Variants in ITFG1 observed in about 807,000 individuals in gnomAD.
The protein encoded by ITFG1 is T-cell immunomodulatory protein.
ITFG1 carries 34 observed loss-of-function variants against 81.8 expected under a neutral mutation model. The ratio of observed to expected loss-of-function variants is 0.42; its 90% CI spans 0.32 to 0.55. ITFG1 has a LOEUF of 0.55. ITFG1 is among the 20% of genes least tolerant of loss of function. The pLI, the probability that ITFG1 is intolerant of heterozygous loss-of-function variation, is 0.17. For synonymous variants in ITFG1, 285 were observed against 270.6 expected (o/e 1.05, Z -0.52); for missense variants, 672 against 755.4 (o/e 0.89, Z 1.29).
Position 47,158,967 on chromosome 16 carries a change from G to GT in ITFG1, c.1684dup (p.Thr562AsnfsTer4). 1 of 1,561,266 alleles carries GT rather than the reference G, an allele frequency of 6.4e-7. No homozygotes were observed. Among genetic ancestry groups the GT allele is most frequent in the Non-Finnish European group, 8.7e-7 (1 of 1,152,502 alleles). ...AGTAAGCAGAACAATATTACTTGGT[G>GT]TAAGATACAGTTTGGCACTCCAACT... On this transcript the variant is annotated frameshift_variant, in exon 17 of 18. Coordinates refer to ENST00000320640, the MANE Select transcript of ITFG1 (RefSeq NM_030790.5). LOFTEE classifies it high-confidence loss of function.
At chr16:47,268,022 A>C (rs985904622) in intron 10 of ITFG1, among the ~76,000 whole-genome samples, 3 of 152,054 alleles carry the variant, frequency 2.0e-5, no homozygotes, top group Admixed American at 1.3e-4. Flanking sequence ...AGGAGAAAAA[A>C]GTAAATAATA....
intron 14 of ITFG1, among the ~76,000 whole-genome samples, chr16:47,190,883 G>A (rs900823798): frequency 6.6e-6 from 1 of 152,172 alleles, no homozygotes; most frequent in East Asian, 1.9e-4. Flanking sequence ...ACCTGGGGTT[G>A]GGGTTTGGTG....
intron 8 of ITFG1, among the ~76,000 whole-genome samples, chr16:47,356,708 C>A (rs1968044616): frequency 6.6e-6 from 1 of 152,170 alleles, no homozygotes; most frequent in Admixed American, 6.5e-5. Flanking sequence ...TGTGTACATG[C>A]CTACATCCAA....
At chr16:47,255,479 A>G (rs759037697) in intron 12 of ITFG1, among the ~76,000 whole-genome samples, 1 of 152,256 alleles carries the variant, frequency 6.6e-6, no homozygotes, top group East Asian at 1.9e-4. Context: ...TGTCCCTAAT[A>G]TCAGCAAACA....
intron 12 of ITFG1, among the ~76,000 whole-genome samples, chr16:47,254,767 T>C (rs1430939131): frequency 6.6e-6 from 1 of 152,194 alleles, no homozygotes; most frequent in African/African-American, 2.4e-5. Context: ...TAGAAAGAAT[T>C]GATCTTTAAT....
rs764345491 is a variant in ITFG1 at position 47,345,768 on chromosome 16, A to G, written c.802+20020T>C. Among the ~76,000 whole-genome samples the G allele has an allele frequency of 2.6e-5, 4 of 152,230 alleles. 1 individual carries two copies. The highest frequency in any genetic ancestry group is 5.9e-5 in the Non-Finnish European group (4 of 68,040). ...AAAGATATGTAAACATAGAAAAGGTACAGCAAAGAAATGGTACTATAATTT... is the reference window on the plus strand; with the variant it reads ...AAAGATATGTAAACATAGAAAAGGTGCAGCAAAGAAATGGTACTATAATTT... On this transcript the variant is annotated intron_variant, in intron 8 of 17. Transcript: ENST00000320640.
chr16:47,228,893 C>T (rs1003702213), intron 13 of ITFG1, among the ~76,000 whole-genome samples: 2 of 152,150 alleles, frequency 1.3e-5, no homozygotes, highest in African/African-American at 4.8e-5. Flanking sequence ...CAGAGCTTTT[C>T]CAGAATGCAT....
chr16:47,442,011 T>C (rs1969258497), intron 5 of ITFG1, among the ~76,000 whole-genome samples: 1 of 152,112 alleles, frequency 6.6e-6, no homozygotes, highest in South Asian at 2.1e-4. Context: ...TGTGCAAAAA[T>C]CACAAGCATT....
At chr16:47,311,633 T>C (rs1367160563) in intron 9 of ITFG1, among the ~76,000 whole-genome samples, 1 of 152,204 alleles carries the variant, frequency 6.6e-6, no homozygotes, top group Non-Finnish European at 1.5e-5. Flanking sequence ...GTCATTTTTG[T>C]CTGAACTGGC....
At chr16:47,166,121 CTT>C (rs1596778445) in intron 14 of ITFG1, among the ~76,000 whole-genome samples, 1 of 152,212 alleles carries the variant, frequency 6.6e-6, no homozygotes, top group East Asian at 1.9e-4. Context: ...AGAACAGACT[CTT>C]TAAGTCTGAG....
At chr16:47,194,437 C>T (rs996037177) in intron 14 of ITFG1, among the ~76,000 whole-genome samples, 6 of 152,104 alleles carry the variant, frequency 3.9e-5, no homozygotes, top group African/African-American at 7.2e-5. Flanking sequence ...ATTTCTAGGA[C>T]GTCTTGTAGA....
At chr16:47,331,117 A>T (rs1457080255) in intron 8 of ITFG1, among the ~76,000 whole-genome samples, 1 of 152,160 alleles carries the variant, frequency 6.6e-6, no homozygotes, top group African/African-American at 2.4e-5. Context: ...TGTGGTACCA[A>T]TGGAATACTA....
At chr16:47,203,824 C>T (rs916593520) in intron 14 of ITFG1, among the ~76,000 whole-genome samples, 1 of 152,112 alleles carries the variant, frequency 6.6e-6, no homozygotes, top group Non-Finnish European at 1.5e-5. Context: ...ACCTAGAGTA[C>T]TCAGATTCAT....
At chr16:47,300,469 G>A (rs1005508696) in intron 10 of ITFG1, among the ~76,000 whole-genome samples, 7 of 152,174 alleles carry the variant, frequency 4.6e-5, no homozygotes, top group Admixed American at 1.3e-4. Context: ...AGGAAAGAAG[G>A]ATAAGGTTCC....
chr16:47,297,053 T>C (rs867602989), intron 10 of ITFG1, among the ~76,000 whole-genome samples: 5 of 152,198 alleles, frequency 3.3e-5, no homozygotes, highest in Non-Finnish European at 5.9e-5. Flanking sequence ...TATTATTGTC[T>C]ATCTTTGTCT....
chr16:47,327,181 A>T (rs1967560680), intron 8 of ITFG1, among the ~76,000 whole-genome samples: 1 of 152,182 alleles, frequency 6.6e-6, no homozygotes, highest in Non-Finnish European at 1.5e-5. Flanking sequence ...CATATCTACA[A>T]CTATCTGATC....
intron 12 of ITFG1, among the ~76,000 whole-genome samples, chr16:47,246,999 G>C (rs1966009246): frequency 6.6e-6 from 1 of 152,062 alleles, no homozygotes; most frequent in South Asian, 2.1e-4. Flanking sequence ...GACCAGGCTG[G>C]TCTCGAACTT....
chr16:47,209,267 CCAAGTATT>C (rs1965536718), intron 14 of ITFG1, among the ~76,000 whole-genome samples: 1 of 151,836 alleles, frequency 6.6e-6, no homozygotes, highest in Non-Finnish European at 1.5e-5. Context: ...AAATCATATC[CCAAGTATT>C]CATTTAATAT....
intron 6 of ITFG1, among the ~76,000 whole-genome samples, chr16:47,394,135 T>C (rs952237159): frequency 9.2e-5 from 14 of 152,244 alleles, no homozygotes; most frequent in African/African-American, 3.4e-4. Flanking sequence ...GTAAGAGAAC[T>C]CATTGCATTA....
Sources: gnomAD v4.1 joint callset for allele counts (sites outside exome capture counted in the v4.1 genomes callset) on GRCh38, gnomAD v4.1.1 for gene constraint, MANE v1.5 for transcripts, NCBI Gene and HGNC (gene_info 2026-07-23, HGNC 2026-07-21) for gene names.